Variants in RBFOX1 observed in about 807,000 individuals in gnomAD.
RBFOX1 encodes the protein RNA binding protein fox-1 homolog 1.
A neutral mutation model predicts 57.7 loss-of-function variants in RBFOX1; 8 were observed. The ratio of observed to expected loss-of-function variants is 0.14; its 90% CI spans 0.08 to 0.25. The LOEUF (loss-of-function observed/expected upper bound fraction) is 0.25. Among genes scored for constraint, RBFOX1 ranks in the 10% least tolerant of loss-of-function variants. The pLI is 1.00. For synonymous variants in RBFOX1, 326 were observed against 222.4 expected, an observed-to-expected ratio of 1.47 and a Z score of -4.15; for missense variants, 611 against 548.5, an observed-to-expected ratio of 1.11 and a Z score of -1.14.
intron 1 of RBFOX1, among the ~76,000 whole-genome samples, chr16:5,421,736 T>G (rs185153709): frequency 6.6e-6 from 1 of 152,334 alleles, no homozygotes; most frequent in East Asian, 1.9e-4. Context: ...AATAATAGTC[T>G]TGGAAGATAT....
intron 1 of RBFOX1, among the ~76,000 whole-genome samples, chr16:6,135,685 T>G (rs982007669): frequency 6.6e-6 from 1 of 151,202 alleles, no homozygotes; most frequent in African/African-American, 2.4e-5. Flanking sequence ...GAACAATGAC[T>G]AATCATAAGG....
intron 3 of RBFOX1, among the ~76,000 whole-genome samples, chr16:6,986,508 T>A (rs2090321064): frequency 6.6e-6 from 1 of 152,136 alleles, no homozygotes; most frequent in South Asian, 2.1e-4. Flanking sequence ...CCCAGGCTGG[T>A]TTTGAACTCA....
rs541972450 is a variant in RBFOX1 at position 5,923,343 on chromosome 16, G to A, written c.351+56008G>A. Among the ~76,000 whole-genome samples the A allele has an allele frequency of 2.6e-5, 4 of 152,186 alleles. No individual in the cohort carries two copies. The South Asian group carries it at 8.3e-4, about 32-fold the overall frequency. ...GACCTTGCAGGACCCTCAGAACAAG[G>A]CTGGAAGGGGCCTCACTGAGTCAGA... On this transcript the variant is annotated intron_variant, in intron 4 of 19. Coordinates refer to the RBFOX1 transcript ENST00000641259.
chr16:5,258,999 C>A (rs1490116040), intron 1 of RBFOX1, among the ~76,000 whole-genome samples: 1 of 152,084 alleles, frequency 6.6e-6, no homozygotes, highest in East Asian at 1.9e-4. Context: ...AATGTTAGCC[C>A]CCTCCTGTGG....
chr16:5,278,145 G>C (rs1420166365), intron 1 of RBFOX1, among the ~76,000 whole-genome samples: 1 of 152,090 alleles, frequency 6.6e-6, no homozygotes, highest in East Asian at 1.9e-4. Context: ...ATATTCTTTT[G>C]TTCAGATACT....
chr16:6,500,031 C>T (rs1446738979), intron 2 of RBFOX1, among the ~76,000 whole-genome samples: 2 of 152,124 alleles, frequency 1.3e-5, no homozygotes, highest in Non-Finnish European at 2.9e-5. Flanking sequence ...ACTGAATTAG[C>T]ACAATGTTTT....
chr16:7,626,533 C>G (rs1170240094), intron 10 of RBFOX1, among the ~76,000 whole-genome samples: 4 of 152,186 alleles, frequency 2.6e-5, no homozygotes, highest in Non-Finnish European at 1.5e-5. Context: ...AGATTGAGGT[C>G]TGTCCCATGG....
At chr16:6,681,671 GA>G (rs34916559) in intron 3 of RBFOX1, among the ~76,000 whole-genome samples, 34,595 of 145,392 alleles carry the variant, frequency 0.24, 4,035 homozygotes, top group East Asian at 0.33. Context: ...CATTTAACCA[GA>G]AAAAAAAAAA....
intron 3 of RBFOX1, among the ~76,000 whole-genome samples, chr16:5,810,083 C>G (rs991197487): frequency 4.0e-5 from 6 of 151,702 alleles, no homozygotes; most frequent in African/African-American, 1.5e-4. Context: ...GGACAAAAAA[C>G]CAAACACCAT....
In RBFOX1 at chr16:7,261,477, C is replaced by T. The variant is rs988607985; in HGVS notation, c.27+209379C>T. Among the ~76,000 whole-genome samples the T allele has an allele frequency of 2.6e-5, 4 of 152,188 alleles. No individual in the cohort carries two copies. The East Asian group carries it at 7.8e-4, about 30-fold the overall frequency. ...TTGTTGAGTAAGTGAGTGTATGAGT[C>T]CCTTGTCGTCTCCCTGCCAAAGGGA... On this transcript the variant is annotated intron_variant, in intron 4 of 15. Transcript: ENST00000550418.
chr16:5,324,066 A>G (rs2064490911), intron 1 of RBFOX1, among the ~76,000 whole-genome samples: 2 of 152,214 alleles, frequency 1.3e-5, no homozygotes, highest in Non-Finnish European at 2.9e-5. Context: ...CTCTTTGCAA[A>G]GTGTTTGCCA....
At chr16:5,256,827 G>A (rs918109199) in intron 1 of RBFOX1, among the ~76,000 whole-genome samples, 5 of 152,028 alleles carry the variant, frequency 3.3e-5, no homozygotes, top group African/African-American at 9.7e-5. Context: ...CCAACTACTC[G>A]GGAGGCTGAG....
intron 2 of RBFOX1, among the ~76,000 whole-genome samples, chr16:5,484,159 A>T (rs1190779110): frequency 6.6e-6 from 1 of 152,242 alleles, no homozygotes; most frequent in Non-Finnish European, 1.5e-5. Flanking sequence ...AAACAGAGCA[A>T]GATCCTATCT....
At chr16:7,390,504 T>A (rs1416712224) in intron 4 of RBFOX1, among the ~76,000 whole-genome samples, 1 of 152,212 alleles carries the variant, frequency 6.6e-6, no homozygotes, top group Non-Finnish European at 1.5e-5. Flanking sequence ...TTCAAAAGAA[T>A]ACCTTCTTCA....
At chr16:7,581,450 CTCA>C (rs2093755853) in intron 6 of RBFOX1, among the ~76,000 whole-genome samples, 1 of 152,094 alleles carries the variant, frequency 6.6e-6, no homozygotes, top group African/African-American at 2.4e-5. Flanking sequence ...CTATTTTTTT[CTCA>C]TCAAGTGTCA....
chr16:7,539,987 T>C (rs749781783), intron 5 of RBFOX1, among the ~76,000 whole-genome samples: 7 of 152,210 alleles, frequency 4.6e-5, no homozygotes, highest in Non-Finnish European at 8.8e-5. Context: ...GGGAAAGCTA[T>C]TGAACCTCAC....
chr16:7,255,885 A>G (rs190860426), intron 4 of RBFOX1, among the ~76,000 whole-genome samples: 12 of 152,340 alleles, frequency 7.9e-5, no homozygotes, highest in Admixed American at 5.2e-4. Flanking sequence ...ATAGCCACAT[A>G]TGGCTTTCCG....
At chr16:7,182,733 T>A (rs1296249826) in intron 4 of RBFOX1, among the ~76,000 whole-genome samples, 3 of 152,124 alleles carry the variant, frequency 2.0e-5, no homozygotes. Context: ...TCTCTTTCAT[T>A]TCTCTTTGGA....
chr16:5,326,342 C>G (rs2064570762), intron 1 of RBFOX1, among the ~76,000 whole-genome samples: 1 of 152,162 alleles, frequency 6.6e-6, no homozygotes, highest in African/African-American at 2.4e-5. Flanking sequence ...GAGGTTTACT[C>G]AAAGGTCATG....
Sources: allele counts gnomAD v4.1 joint callset (sites outside exome capture counted in the v4.1 genomes callset), GRCh38; gene constraint gnomAD v4.1.1; transcripts MANE v1.5; gene names NCBI Gene and HGNC (gene_info 2026-07-23, HGNC 2026-07-21).